Variants in OSBPL6 observed in about 807,000 individuals in gnomAD.
The protein encoded by OSBPL6 is oxysterol-binding protein-related protein 6.
In OSBPL6, 49 loss-of-function variants were observed where a neutral mutation model predicts 125.8. The observed-to-expected ratio is 0.39, with a 90% CI of 0.31 to 0.49. The LOEUF (loss-of-function observed/expected upper bound fraction) is 0.49, where lower values mean the gene tolerates loss of function less well. OSBPL6 is among the 20% of genes least tolerant of loss of function. The probability of loss-of-function intolerance (pLI) is 0.88; values close to 1 mark genes in which losing one functional copy is unlikely to be tolerated. For missense variants in OSBPL6, 986 were observed against 1,135.4 expected, an observed-to-expected ratio of 0.87 and a Z score of 1.89; for synonymous variants, 394 against 391.8, an observed-to-expected ratio of 1.01 and a Z score of -0.07.
intron 11 of OSBPL6, chr2:178,344,337 C>G: frequency 6.2e-7 from 1 of 1,614,162 alleles, no homozygotes. Flanking sequence ...CCGGCAGAGG[C>G]TAGCGGCAGC....
At chr2:178,317,001 G>C (rs1263829993) in intron 3 of OSBPL6, among the ~76,000 whole-genome samples, 1 of 151,954 alleles carries the variant, frequency 6.6e-6, no homozygotes, top group East Asian at 1.9e-4. Flanking sequence ...AAAAAAAGCT[G>C]AAAGAAGATA....
chr2:178,310,671 C>T (rs1687193312), intron 3 of OSBPL6, among the ~76,000 whole-genome samples: 1 of 152,104 alleles, frequency 6.6e-6, no homozygotes, highest in Admixed American at 6.5e-5. Flanking sequence ...CCCACCTCGG[C>T]CTCCCAAAGT....
chr2:178,199,760 T>G (rs1209275190), intron 1 of OSBPL6, among the ~76,000 whole-genome samples: 1 of 152,210 alleles, frequency 6.6e-6, no homozygotes, highest in Non-Finnish European at 1.5e-5. Flanking sequence ...TTGATTCGTA[T>G]AAAATTACAC....
At chr2:178,286,880 G>A (rs1417135332) in intron 2 of OSBPL6, among the ~76,000 whole-genome samples, 1 of 152,142 alleles carries the variant, frequency 6.6e-6, no homozygotes, top group Non-Finnish European at 1.5e-5. Context: ...GTCAGAGTTA[G>A]ACATACCTCC....
chr2:178,314,784 C>A, intron 3 of OSBPL6, among the ~76,000 whole-genome samples: 1 of 152,058 alleles, frequency 6.6e-6, no homozygotes, highest in East Asian at 1.9e-4. Flanking sequence ...AATGTCTTGC[C>A]AACAGCTAAT....
chr2:178,271,109 A>T (rs2092366386), intron 1 of OSBPL6, among the ~76,000 whole-genome samples: 1 of 152,176 alleles, frequency 6.6e-6, no homozygotes, highest in South Asian at 2.1e-4. Flanking sequence ...TGCCCTATCC[A>T]GTTTTTTTTA....
In OSBPL6 at chr2:178,363,228, C is replaced by G. The variant is rs138655442; in HGVS notation, c.1287+1413C>G. The stretch of plus-strand genomic sequence containing the variant: ...TTGCCTGCTTGCTTGCTTTTATTTG[C>G]TTGTAGGTGAAACAGAGAATGGTAA... On this transcript the variant is annotated intron_variant, in intron 13 of 24. Transcript: ENST00000190611. Among the ~76,000 whole-genome samples the G allele has an allele frequency of 7.2e-4, 109 of 152,182 alleles. 2 individuals carry two copies. The East Asian group carries it at 0.018, about 26-fold the overall frequency.
At chr2:178,223,549 A>T (rs2153971974) in intron 1 of OSBPL6, among the ~76,000 whole-genome samples, 1 of 152,342 alleles carries the variant, frequency 6.6e-6, no homozygotes, top group South Asian at 2.1e-4. Flanking sequence ...GAAATTGTAA[A>T]AAGTAAAAGG....
At chr2:178,265,047 CT>C (rs1001073194) in intron 1 of OSBPL6, among the ~76,000 whole-genome samples, 15 of 148,942 alleles carry the variant, frequency 1.0e-4, no homozygotes, top group East Asian at 2.0e-4. Flanking sequence ...TTTTTTTTCA[CT>C]TTTTTTTTAG....
In OSBPL6 at chr2:178,314,681, AC is replaced by A. The variant is rs200122964; in HGVS notation, c.102+8397del. 4.3e-3 allele frequency among the ~76,000 whole-genome samples: 655 copies of A among 152,342 alleles called. 5 individuals are homozygous for A. Among genetic ancestry groups the A allele is most frequent in the African/African-American group, 0.014 (592 of 41,586 alleles). ...TTTATGAACAAACCAATAGAATAACACCAGCAATAGCTAATATTTCACGAGC... is the reference window on the plus strand; with the variant it reads ...TTTATGAACAAACCAATAGAATAACACAGCAATAGCTAATATTTCACGAGC... On this transcript the variant is annotated intron_variant, in intron 3 of 24. Coordinates refer to ENST00000190611, the MANE Select transcript of OSBPL6 (RefSeq NM_032523.4).
At chr2:178,231,862 C>T (rs1184894967) in intron 1 of OSBPL6, among the ~76,000 whole-genome samples, 1 of 152,048 alleles carries the variant, frequency 6.6e-6, no homozygotes, top group African/African-American at 2.4e-5. Flanking sequence ...TAGGGTCTGG[C>T]TACATTACCC....
intron 20 of OSBPL6, among the ~76,000 whole-genome samples, chr2:178,388,454 C>T (rs573675799): frequency 1.3e-5 from 2 of 152,154 alleles, no homozygotes; most frequent in Non-Finnish European, 2.9e-5. Context: ...TCTGCCTCAT[C>T]ACACCTTTCC....
At chr2:178,292,164 A>G (rs867883964) in intron 2 of OSBPL6, among the ~76,000 whole-genome samples, 7 of 151,904 alleles carry the variant, frequency 4.6e-5, no homozygotes, top group South Asian at 2.1e-4. Flanking sequence ...AGGACCTTCC[A>G]GTAAACTTTT....
chr2:178,352,461 A>C (rs1418207138), intron 12 of OSBPL6, among the ~76,000 whole-genome samples: 2 of 152,192 alleles, frequency 1.3e-5, no homozygotes, highest in Non-Finnish European at 2.9e-5. Context: ...GGTGGGTCCT[A>C]TGCCCATGGA....
chr2:178,370,331 C>T (rs999835008), intron 13 of OSBPL6, among the ~76,000 whole-genome samples: 1 of 152,094 alleles, frequency 6.6e-6, no homozygotes, highest in Admixed American at 6.6e-5. Context: ...ACCATGAGGC[C>T]TCCCACTTAC....
chr2:178,332,918 T>A lies in OSBPL6; in HGVS notation c.534T>A (p.His178Gln), dbSNP rs768023678. 11 of 1,614,102 alleles carry A rather than the reference T, an allele frequency of 6.8e-6. No individual in the cohort carries two copies. The highest frequency in any genetic ancestry group is 9.3e-6 in the Non-Finnish European group (11 of 1,179,926). Residue 178 changes from histidine to glutamine, a missense_variant, in exon 8 of 25, where the codon CAT becomes CAA. Transcript: ENST00000190611. ...WFDAWVSKLRHHRLYRQNEIV... is the reference protein window; with the variant it reads ...WFDAWVSKLRQHRLYRQNEIV... ...ATGCATGGGTCTCCAAACTGCGACA[T>A]CATCGGTTGTATCGTCAGAATGAAA...
intron 1 of OSBPL6, among the ~76,000 whole-genome samples, chr2:178,281,332 T>C (rs938982511): frequency 2.6e-5 from 4 of 152,096 alleles, no homozygotes; most frequent in Admixed American, 6.5e-5. Flanking sequence ...GTTTTCCTCA[T>C]GAAATCTTTG....
chr2:178,319,388 A>G (rs1559239802), intron 3 of OSBPL6, among the ~76,000 whole-genome samples: 1 of 152,188 alleles, frequency 6.6e-6, no homozygotes. Context: ...AGATTGTGGT[A>G]AAGAATGCTT....
chr2:178,207,670 A>G (rs1353072471), intron 1 of OSBPL6, among the ~76,000 whole-genome samples: 3 of 152,152 alleles, frequency 2.0e-5, no homozygotes, highest in African/African-American at 7.2e-5. Flanking sequence ...ATGCAGGGGA[A>G]GTCACCTATG....
Sources: gnomAD v4.1 joint callset for allele counts (sites outside exome capture counted in the v4.1 genomes callset) on GRCh38, gnomAD v4.1.1 for gene constraint, MANE v1.5 for transcripts, NCBI Gene and HGNC (gene_info 2026-07-23, HGNC 2026-07-21) for gene names.